CALR3: variants seen among roughly 807,000 people sequenced by gnomAD.
CALR3 encodes the protein calreticulin 3.
Under a neutral mutation model 48.7 loss-of-function variants are expected in CALR3, and 39 were observed. The ratio of observed to expected loss-of-function variants is 0.80; its 90% CI spans 0.62 to 1.05. CALR3 has a LOEUF of 1.05. CALR3 is among the 50% of genes least tolerant of loss of function. The pLI, the probability that CALR3 is intolerant of heterozygous loss-of-function variation, is 0.00. For missense variants in CALR3, 449 were observed against 474.7 expected (o/e 0.95, Z 0.50); for synonymous variants, 185 against 172.7 (o/e 1.07, Z -0.56).
intron 2 of CALR3, among the ~76,000 whole-genome samples, chr19:16,493,814 G>A (rs976692116): frequency 2.0e-3 from 300 of 151,914 alleles, no homozygotes; most frequent in African/African-American, 6.4e-3. Flanking sequence ...TGCAACCTCC[G>A]CCTCCTGGGT....
intron 8 of CALR3, 50 bp from the exon 9 acceptor site, chr19:16,479,324 GC>G (rs1435953986): frequency 6.2e-7 from 1 of 1,608,822 alleles, no homozygotes; most frequent in Non-Finnish European, 8.5e-7. Flanking sequence ...GATGGCTCGT[GC>G]CTGTAATCCC....
chr19:16,495,611 G>A (rs1599723686), intron 2 of CALR3, 140 bp downstream of exon 2: 1 of 641,202 alleles, frequency 1.6e-6, no homozygotes. Context: ...AAGGAAAGGA[G>A]CCCCTTAAGT....
intron 3 of CALR3, among the ~76,000 whole-genome samples, chr19:16,485,460 C>T (rs1163117434): frequency 2.6e-5 from 4 of 151,726 alleles, no homozygotes; most frequent in Non-Finnish European, 5.9e-5. Flanking sequence ...GCTGGGACTA[C>T]AGGCGCATGC....
intron 1 of CALR3, 55 bp downstream of exon 1, chr19:16,495,984 G>C (rs572637286): frequency 9.6e-6 from 15 of 1,567,674 alleles, no homozygotes; most frequent in Non-Finnish European, 1.3e-5. Flanking sequence ...GCCAGCCTTA[G>C]GGGGCGGAGA....
intron 8 of CALR3, 115 bp from the exon 9 acceptor site, chr19:16,479,389 T>C: frequency 2.6e-6 from 3 of 1,169,386 alleles, no homozygotes; most frequent in Non-Finnish European, 3.7e-6. Context: ...ATCGAGACCA[T>C]CCCGGCTAAC....
Position 16,490,368 on chromosome 19 carries a change from A to G in CALR3, c.396T>C (p.Phe132=). The G allele has an allele frequency of 1.2e-6, 2 of 1,614,144 alleles. No individual in the cohort carries two copies. The highest frequency in any genetic ancestry group is 1.7e-6 in the Non-Finnish European group (2 of 1,179,986). Residue 132 remains phenylalanine, a splice_region_variant and synonymous_variant, in exon 3 of 9, where the codon TTT becomes TTC. Transcript: ENST00000269881. Reference sequence around the variant, plus strand: ...TTGTGTTGCACCACGTAAACTCACCAAACATAATATAGTACTGCGATTTTC... The same window carrying G: ...TTGTGTTGCACCACGTAAACTCACCGAACATAATATAGTACTGCGATTTTC... ...LNGKSQYYIM[F]GPDICGFDIK...
At chr19:16,491,380 C>T (rs951981942) in intron 2 of CALR3, among the ~76,000 whole-genome samples, 1 of 151,682 alleles carries the variant, frequency 6.6e-6, no homozygotes, top group Non-Finnish European at 1.5e-5. Flanking sequence ...CCTCGGCCTC[C>T]CAAAGTGCTG....
intron 2 of CALR3, among the ~76,000 whole-genome samples, chr19:16,491,214 CT>C (rs2093397469): frequency 6.6e-6 from 1 of 152,002 alleles, no homozygotes; most frequent in Non-Finnish European, 1.5e-5. Context: ...GCTCCACCTC[CT>C]GGGTTCACGC....
chr19:16,495,718 T>C (rs780686908), intron 2 of CALR3, 33 bp downstream of exon 2: 2 of 1,531,194 alleles, frequency 1.3e-6, no homozygotes, highest in South Asian at 1.1e-5. Flanking sequence ...AAATGTAACA[T>C]TAGGCTCAAT....
In CALR3 at chr19:16,481,760, A is replaced by G. The variant is rs577473920; in HGVS notation, c.918+690T>C. ...GCAATCTGCCCCCCTCAGCCTCCCA[A>G]AGTGCTGGGATTACAGGCATGAGCC... On this transcript the variant is annotated intron_variant, in intron 7 of 8. Transcript: ENST00000269881. Among the ~76,000 whole-genome samples the G allele has an allele frequency of 6.6e-5, 10 of 151,864 alleles. No homozygotes were observed. The East Asian group carries it at 1.2e-3, about 18-fold the overall frequency.
chr19:16,485,277 C>T lies in CALR3; in HGVS notation c.398-20G>A. Reference sequence around the variant, plus strand: ...CGGGTCCTACAAAAAAGATTAGCTGCTCTCAATTTCTTTCCATAATGCATC... The same window carrying T: ...CGGGTCCTACAAAAAAGATTAGCTGTTCTCAATTTCTTTCCATAATGCATC... On this transcript the variant is annotated intron_variant, in intron 3 of 8. Transcript: ENST00000269881. 2.0e-6 allele frequency: 3 copies of T among 1,490,456 alleles called. No individual in the cohort carries two copies. Among genetic ancestry groups the T allele is most frequent in the East Asian group, 2.3e-5 (1 of 44,246 alleles). The allele number at this position is 1,490,456 out of a possible 1,614,324, so 92.3% of individuals were successfully genotyped here.
chr19:16,482,601 T>C lies in CALR3; in HGVS notation c.787-20A>G, dbSNP rs893690432. The C allele has an allele frequency of 2.5e-6, 4 of 1,613,936 alleles. No homozygotes were observed. The highest frequency in any genetic ancestry group is 1.7e-5 in the Admixed American group (1 of 59,966). ...GCCATCCTGTATCAAAAAAACCATA[T>C]GGGGTGGTCTCAATGACATGGGCAG... On this transcript the variant is annotated intron_variant, in intron 6 of 8. Transcript: ENST00000269881.
chr19:16,495,924 G>A, intron 1 of CALR3, 72 bp from the exon 2 acceptor site: 4 of 1,560,074 alleles, frequency 2.6e-6, no homozygotes, highest in Non-Finnish European at 2.6e-6. Flanking sequence ...GGGTGAAGGG[G>A]ACCCTCGAGG....
intron 3 of CALR3, among the ~76,000 whole-genome samples, chr19:16,488,026 G>A (rs1458015921): frequency 6.6e-6 from 1 of 152,106 alleles, no homozygotes; most frequent in Non-Finnish European, 1.5e-5. Context: ...TGTTAGCCAA[G>A]ATGGTCTCAA....
At position 16,496,112 on chromosome 19, in the gene CALR3, G is replaced by A. The variant is rs777364731; in HGVS notation, c.18C>T (p.Val6=). 6.2e-7 allele frequency: 1 copy of A among 1,604,692 alleles called. No individual in the cohort carries two copies. MARAL[V]QLWAICMLRV... ...GCAGCATGCATATGGCCCAGAGCTG[G>A]ACCAAAGCCCGGGCCATGGGGGTGT... The change falls in exon 1 of 9, where the codon GTC becomes GTT. Residue 6 remains valine, a synonymous_variant. Transcript: ENST00000269881.
At chr19:16,480,297 A>C (rs1166957331) in intron 8 of CALR3, among the ~76,000 whole-genome samples, 1 of 151,892 alleles carries the variant, frequency 6.6e-6, no homozygotes, top group African/African-American at 2.4e-5. Flanking sequence ...CACTCCTGTA[A>C]TCCCAGCACT....
rs1198785474 is a variant in CALR3 at position 16,480,647 on chromosome 19, A to G, written c.978T>C (p.Asp326=). 3 of 1,613,778 alleles carry G rather than the reference A, an allele frequency of 1.9e-6. No homozygotes were observed. Among genetic ancestry groups the G allele is most frequent in the East Asian group, 4.5e-5 (2 of 44,898 alleles). The change falls in exon 8 of 9, where the codon GAT becomes GAC. Residue 326 remains aspartate (D), a synonymous_variant. Transcript: ENST00000269881. Reference sequence around the variant, plus strand: ...CGCCCCAGGTGGCCTTGCCAAAATTATCTGCGTACTCTTCATCATCTGTGA... The same window carrying G: ...CGCCCCAGGTGGCCTTGCCAAAATTGTCTGCGTACTCTTCATCATCTGTGA... ...FLITDDEEYA[D]NFGKATWGET...
chr19:16,494,102 C>T (rs2093402069), intron 2 of CALR3, among the ~76,000 whole-genome samples: 1 of 151,988 alleles, frequency 6.6e-6, no homozygotes, highest in Non-Finnish European at 1.5e-5. Context: ...ATTCTGTCAC[C>T]CAGGCTGGAG....
At chr19:16,487,752 C>T (rs2093391415) in intron 3 of CALR3, among the ~76,000 whole-genome samples, 1 of 151,898 alleles carries the variant, frequency 6.6e-6, no homozygotes, top group Non-Finnish European at 1.5e-5. Flanking sequence ...ATTCTCCTGC[C>T]TCAGCCTCCT....
Sources: allele counts gnomAD v4.1 joint callset (sites outside exome capture counted in the v4.1 genomes callset), GRCh38; gene constraint gnomAD v4.1.1; transcripts MANE v1.5; gene names NCBI Gene and HGNC (gene_info 2026-07-23, HGNC 2026-07-21).